The following STAG1 variants were observed in gnomAD, a reference collection of about 807,000 sequenced individuals.
STAG1 encodes the protein STAG1 cohesin complex component.
STAG1 carries 26 observed loss-of-function variants against 170.9 expected under a neutral mutation model. The ratio of observed to expected loss-of-function variants is 0.15; its 90% CI spans 0.11 to 0.21. STAG1 has a LOEUF of 0.21. Among genes scored for constraint, STAG1 ranks in the 10% least tolerant of loss-of-function variants. The probability of loss-of-function intolerance (pLI) is 1.00; values close to 1 mark genes in which losing one functional copy is unlikely to be tolerated. For missense variants in STAG1, 964 were observed against 1,509.5 expected (o/e 0.64, Z 5.99); for synonymous variants, 514 against 497.7 (o/e 1.03, Z -0.44).
chr3:136,351,414 A>G (rs1459078497), intron 28 of STAG1, among the ~76,000 whole-genome samples: 1 of 152,232 alleles, frequency 6.6e-6, no homozygotes, highest in African/African-American at 2.4e-5. Context: ...TATTTGGAAC[A>G]GGTTTAAAAA....
At chr3:136,395,295 A>T (rs923780661) in intron 22 of STAG1, among the ~76,000 whole-genome samples, 1 of 152,178 alleles carries the variant, frequency 6.6e-6, no homozygotes, top group African/African-American at 2.4e-5. Context: ...AAGAATAGAG[A>T]TTCTCATTCC....
chr3:136,747,259 C>A (rs1934987787), intron 1 of STAG1, among the ~76,000 whole-genome samples: 1 of 140,468 alleles, frequency 7.1e-6, no homozygotes, highest in Non-Finnish European at 1.5e-5. Flanking sequence ...GGCGACAGAG[C>A]AAGACTCGTC....
chr3:136,358,618 A>C (rs907165179), intron 27 of STAG1, among the ~76,000 whole-genome samples: 27 of 152,292 alleles, frequency 1.8e-4, no homozygotes, highest in African/African-American at 6.5e-4. Context: ...TCTGTTTTCC[A>C]GGCTGGAGGG....
chr3:136,403,785 T>G (rs2087404749), intron 21 of STAG1, among the ~76,000 whole-genome samples: 1 of 152,212 alleles, frequency 6.6e-6, no homozygotes, highest in Admixed American at 6.5e-5. Context: ...TTAAAGAAGT[T>G]TCTTGTCAGG....
intron 1 of STAG1, among the ~76,000 whole-genome samples, chr3:136,709,447 C>T (rs1467800257): frequency 2.0e-5 from 3 of 151,934 alleles, no homozygotes; most frequent in Non-Finnish European, 4.4e-5. Context: ...GAATTTTTCT[C>T]TAATCAATGA....
chr3:136,449,918 T>A (rs888245050), intron 14 of STAG1, among the ~76,000 whole-genome samples: 1 of 150,966 alleles, frequency 6.6e-6, no homozygotes, highest in African/African-American at 2.4e-5. Flanking sequence ...TTTTTTTTTT[T>A]AGAGACAGGG....
chr3:136,694,972 T>G (rs1017282232), intron 1 of STAG1, among the ~76,000 whole-genome samples: 2 of 152,182 alleles, frequency 1.3e-5, no homozygotes, highest in African/African-American at 4.8e-5. Context: ...TTCTAAGTCC[T>G]TTTTCTCTGT....
chr3:136,646,723 T>G (rs1316608587), intron 1 of STAG1, among the ~76,000 whole-genome samples: 1 of 151,892 alleles, frequency 6.6e-6, no homozygotes, highest in Non-Finnish European at 1.5e-5. Context: ...CTGGCCAACA[T>G]GGTGAAACTC....
chr3:136,469,795 C>A (rs1302301789), intron 12 of STAG1, among the ~76,000 whole-genome samples: 3 of 152,008 alleles, frequency 2.0e-5, no homozygotes, highest in Non-Finnish European at 1.5e-5. Flanking sequence ...AGATATAGAC[C>A]AATGGAACAG....
At chr3:136,724,224 T>G (rs1017815348) in intron 1 of STAG1, among the ~76,000 whole-genome samples, 5 of 151,578 alleles carry the variant, frequency 3.3e-5, no homozygotes, top group African/African-American at 1.2e-4. Flanking sequence ...TAGAAAGAGG[T>G]AGACACGGGA....
intron 14 of STAG1, among the ~76,000 whole-genome samples, chr3:136,444,454 C>G (rs2088718958): frequency 6.6e-6 from 1 of 152,186 alleles, no homozygotes; most frequent in South Asian, 2.1e-4. Flanking sequence ...CTGCTACTTA[C>G]AAGTAACTTC....
rs1439117754 is a variant in STAG1, at chr3:136,337,074, A to AAAAG, written c.*1176_*1179dup. On this transcript the variant is annotated 3_prime_UTR_variant, in exon 34 of 34. Transcript: ENST00000383202. ...CTGAAGATTCATAATTTCTTTCCCC[A>AAAAG]AAAGAATTATTCTTAATATGCACAT... 1.3e-5 allele frequency: 2 copies of AAAAG among 152,780 alleles called. No individual in the cohort carries two copies. The highest frequency in any genetic ancestry group is 1.9e-4 in the East Asian group (1 of 5,184). The allele number at this position is 152,780 out of a possible 1,614,324, so 9.5% of individuals were successfully genotyped here.
chr3:136,732,419 A>G (rs1021205769), intron 1 of STAG1, among the ~76,000 whole-genome samples: 1 of 152,164 alleles, frequency 6.6e-6, no homozygotes, highest in Non-Finnish European at 1.5e-5. Flanking sequence ...TTCATAAATA[A>G]TCCTGATAAA....
intron 1 of STAG1, among the ~76,000 whole-genome samples, chr3:136,681,049 T>C (rs115332976): frequency 0.016 from 2,461 of 152,266 alleles, 75 homozygotes; most frequent in African/African-American, 0.056. Flanking sequence ...ACATAAATGC[T>C]ATATTAATAA....
intron 7 of STAG1, among the ~76,000 whole-genome samples, chr3:136,504,215 A>G (rs1312020829): frequency 2.6e-5 from 4 of 152,186 alleles, no homozygotes; most frequent in African/African-American, 9.6e-5. Context: ...ACCAAAATAT[A>G]AGGTAAAAAA....
intron 32 of STAG1, 78 bp downstream of exon 32, chr3:136,340,413 T>A: frequency 1.1e-6 from 1 of 937,336 alleles, no homozygotes; most frequent in Admixed American, 1.9e-5. Flanking sequence ...TGAGCCACCA[T>A]GCCCGGCCTA....
intron 2 of STAG1, among the ~76,000 whole-genome samples, chr3:136,628,818 G>A (rs768269363): frequency 2.6e-5 from 4 of 152,196 alleles, no homozygotes; most frequent in Non-Finnish European, 4.4e-5. Flanking sequence ...AATATAAAAT[G>A]TAGTAAATGA....
chr3:136,396,050 G>A (rs2108335544), intron 22 of STAG1, among the ~76,000 whole-genome samples: 1 of 152,094 alleles, frequency 6.6e-6, no homozygotes, highest in Non-Finnish European at 1.5e-5. Context: ...TTACAGATGT[G>A]CGCCATGATG....
chr3:136,463,554 C>T (rs1019678516), intron 13 of STAG1, among the ~76,000 whole-genome samples: 3 of 151,662 alleles, frequency 2.0e-5, no homozygotes, highest in African/African-American at 7.3e-5. Context: ...AGATACACAC[C>T]TATAACCAAG....
Sources: allele counts gnomAD v4.1 joint callset (sites outside exome capture counted in the v4.1 genomes callset), GRCh38; gene constraint gnomAD v4.1.1; transcripts MANE v1.5; gene names NCBI Gene and HGNC (gene_info 2026-07-23, HGNC 2026-07-21).